The following VAMP7 variants were observed in gnomAD, a reference collection of about 807,000 sequenced individuals.
VAMP7 encodes the protein vesicle associated membrane protein 7.
VAMP7 carries 14 observed loss-of-function variants against 29.6 expected under a neutral mutation model. The ratio of observed to expected loss-of-function variants is 0.47; its 90% CI spans 0.31 to 0.74. The LOEUF (loss-of-function observed/expected upper bound fraction) is 0.74, where lower values mean the gene tolerates loss of function less well. VAMP7 is among the 30% of genes least tolerant of loss of function. VAMP7 has a pLI of 0.05. For missense variants in VAMP7, 223 were observed against 262.4 expected (o/e 0.85, Z 1.04); for synonymous variants, 95 against 88.1 (o/e 1.08, Z -0.44).
chrX:155,924,725 G>A (rs2066444748), intron 6 of VAMP7, among the ~76,000 whole-genome samples: 1 of 152,134 alleles, frequency 6.6e-6, no homozygotes, highest in South Asian at 2.1e-4. Flanking sequence ...AGGTTGTGGT[G>A]GCTGTGGCAA....
At chrX:155,925,638 G>A (rs2066456671) in intron 6 of VAMP7, among the ~76,000 whole-genome samples, 1 of 152,202 alleles carries the variant, frequency 6.6e-6, no homozygotes, top group African/African-American at 2.4e-5. Context: ...ACAACTCGAA[G>A]CAAAGGCGGG....
intron 1 of VAMP7, among the ~76,000 whole-genome samples, chrX:155,886,046 T>G (rs1426091119): frequency 6.6e-6 from 1 of 152,110 alleles, no homozygotes; most frequent in Non-Finnish European, 1.5e-5. Flanking sequence ...AGAGGAACAG[T>G]GTTGATATGG....
At chrX:155,930,682 C>A (rs1385573142) in intron 6 of VAMP7, among the ~76,000 whole-genome samples, 63 of 149,462 alleles carry the variant, frequency 4.2e-4, no homozygotes, top group Admixed American at 4.2e-3. Context: ...TCTTTTAATT[C>A]TTTTTTATTT....
intron 1 of VAMP7, among the ~76,000 whole-genome samples, chrX:155,885,670 CAGAG>C (rs1314285260): frequency 2.0e-5 from 3 of 152,084 alleles, no homozygotes; most frequent in African/African-American, 4.8e-5. Flanking sequence ...AGAAGAGAGA[CAGAG>C]AGAATGCAGT....
rs761603793 is a variant in VAMP7, at chrX:155,898,208, G to T, written c.301G>T (p.Ala101Ser). Residue 101 changes from alanine (A) to serine (S), a missense_variant, in exon 4 of 8, where the codon GCC (alanine) becomes TCC (serine). Ala to Ser is a moderately conservative substitution (Grantham distance 99, BLOSUM62 1). Transcript: ENST00000286448. ...GSRAQTALPY[A>S]MNSEFSSVLA... The stretch of plus-strand genomic sequence containing the variant: ...AAGAGCACAGACAGCACTTCCATAT[G>T]CCATGAATAGCGAGTTCTCAAGTGT... The T allele has an allele frequency of 1.1e-5, 17 of 1,613,556 alleles. No homozygotes were observed. In the South Asian group the frequency reaches 1.9e-4, roughly 18 times the overall value.
At chrX:155,902,239 A>G (rs1318332720) in intron 5 of VAMP7, among the ~76,000 whole-genome samples, 4 of 152,014 alleles carry the variant, frequency 2.6e-5, no homozygotes, top group Admixed American at 2.6e-4. Flanking sequence ...ACTTTGCTGA[A>G]GTTGCTTATC....
intron 2 of VAMP7, 95 bp from the exon 3 acceptor site, chrX:155,895,528 T>C (rs1167080999): frequency 8.6e-6 from 7 of 809,434 alleles, no homozygotes; most frequent in Non-Finnish European, 1.5e-5. Flanking sequence ...ATGGTGACAT[T>C]GGCAGTACTG....
intron 5 of VAMP7, among the ~76,000 whole-genome samples, chrX:155,902,030 T>G (rs1013937567): frequency 6.6e-6 from 1 of 152,160 alleles, no homozygotes; most frequent in South Asian, 2.1e-4. Flanking sequence ...CATTTCTTTG[T>G]ATCCTCTTTT....
intron 2 of VAMP7, among the ~76,000 whole-genome samples, chrX:155,893,215 A>G (rs2065946122): frequency 6.6e-6 from 1 of 152,180 alleles, no homozygotes; most frequent in Non-Finnish European, 1.5e-5. Flanking sequence ...GATGACTTTC[A>G]TTCTGGGCAT....
intron 1 of VAMP7, among the ~76,000 whole-genome samples, chrX:155,884,879 A>G (rs974015276): frequency 2.6e-5 from 4 of 152,358 alleles, no homozygotes; most frequent in African/African-American, 9.6e-5. Context: ...GAGCATTTTC[A>G]TCATTGCTGT....
intron 2 of VAMP7, among the ~76,000 whole-genome samples, chrX:155,893,148 T>C (rs2065945284): frequency 6.6e-6 from 1 of 152,194 alleles, no homozygotes; most frequent in African/African-American, 2.4e-5. Flanking sequence ...TTTTGTGGCC[T>C]GTGCACCAAG....
At chrX:155,910,748 T>C (rs1362869169) in intron 5 of VAMP7, among the ~76,000 whole-genome samples, 1 of 152,162 alleles carries the variant, frequency 6.6e-6, no homozygotes, top group Admixed American at 6.5e-5. Flanking sequence ...ATGTCTTCTT[T>C]TGAGAAATGG....
intron 5 of VAMP7, among the ~76,000 whole-genome samples, chrX:155,906,305 G>A (rs1376097052): frequency 1.3e-5 from 2 of 152,102 alleles, no homozygotes; most frequent in Non-Finnish European, 2.9e-5. Flanking sequence ...TGTTAGGCCA[G>A]TTTAGAGAGA....
At chrX:155,904,861 C>CA (rs1452696843) in intron 5 of VAMP7, among the ~76,000 whole-genome samples, 1 of 148,628 alleles carries the variant, frequency 6.7e-6, no homozygotes, top group African/African-American at 2.5e-5. Context: ...CTGCTATGAA[C>CA]ATTTGTGTAC....
chrX:155,894,202 GTT>G (rs980242823), intron 2 of VAMP7, among the ~76,000 whole-genome samples: 4 of 149,176 alleles, frequency 2.7e-5, no homozygotes, highest in African/African-American at 9.9e-5. Context: ...TTCTACTTTA[GTT>G]TATTTCCCTC....
intron 6 of VAMP7, among the ~76,000 whole-genome samples, chrX:155,929,245 T>G (rs1163735782): frequency 1.3e-5 from 2 of 152,200 alleles, no homozygotes; most frequent in Non-Finnish European, 2.9e-5. Context: ...TTGCTCTGAA[T>G]ATATGTTCTA....
At chrX:155,906,884 A>G (rs753670377) in intron 5 of VAMP7, among the ~76,000 whole-genome samples, 3 of 152,292 alleles carry the variant, frequency 2.0e-5, no homozygotes, top group South Asian at 4.2e-4. Context: ...TCATTGTCTT[A>G]TTCCTGCTCT....
chrX:155,887,379 A>G (rs2065877194), intron 1 of VAMP7, among the ~76,000 whole-genome samples: 1 of 152,208 alleles, frequency 6.6e-6, no homozygotes, highest in Non-Finnish European at 1.5e-5. Flanking sequence ...AGGAAGAGTC[A>G]GCAAGAAGAC....
chrX:155,896,650 G>A (rs1056020609), intron 3 of VAMP7, among the ~76,000 whole-genome samples: 3 of 152,068 alleles, frequency 2.0e-5, no homozygotes, highest in African/African-American at 7.2e-5. Flanking sequence ...CTTCTTGAGT[G>A]TCTTATTGTA....
Sources: allele counts gnomAD v4.1 joint callset (sites outside exome capture counted in the v4.1 genomes callset), GRCh38; gene constraint gnomAD v4.1.1; transcripts MANE v1.5; gene names NCBI Gene and HGNC (gene_info 2026-07-23, HGNC 2026-07-21).